Variants in ERBB4 observed in about 807,000 individuals in gnomAD.
The protein encoded by ERBB4 is erb-b2 receptor tyrosine kinase 4.
ERBB4 carries 42 observed loss-of-function variants against 158.0 expected under a neutral mutation model. That is an observed-to-expected ratio of 0.27 (90% confidence interval 0.21 to 0.34). The LOEUF is 0.34. ERBB4 is among the 10% of genes least tolerant of loss of function. ERBB4 has a pLI of 1.00. For synonymous variants in ERBB4, 583 were observed against 558.7 expected (o/e 1.04, Z -0.61); for missense variants, 1,333 against 1,624.1 (o/e 0.82, Z 3.08).
intron 5 of ERBB4, among the ~76,000 whole-genome samples, chr2:211,726,030 C>A (rs1043530393): frequency 6.6e-6 from 1 of 152,144 alleles, no homozygotes; most frequent in African/African-American, 2.4e-5. Flanking sequence ...ATAAGAGACA[C>A]AATTCTGCTT....
rs1381382628 is a variant in ERBB4, at chr2:212,073,527, C to A, written c.234+51225G>T. Among the ~76,000 whole-genome samples, 9 of 152,074 alleles carry A rather than the reference C, an allele frequency of 5.9e-5. No homozygotes were observed. In the East Asian group the frequency reaches 1.6e-3, roughly 26 times the overall value. On this transcript the variant is annotated intron_variant, in intron 2 of 27. Transcript: ENST00000342788. ...AACAAAAGCAGCCCAGGTAGCTAGT[C>A]ACCCTGCAGGGAGTGAGTCAGAGGA...
intron 2 of ERBB4, among the ~76,000 whole-genome samples, chr2:211,988,766 G>T (rs1575479220): frequency 6.6e-6 from 1 of 151,892 alleles, no homozygotes; most frequent in South Asian, 2.1e-4. Flanking sequence ...CTCTTTAAAT[G>T]TAACTATTAA....
At chr2:211,970,509 G>A (rs1348510817) in intron 2 of ERBB4, among the ~76,000 whole-genome samples, 1 of 152,120 alleles carries the variant, frequency 6.6e-6, no homozygotes, top group African/African-American at 2.4e-5. Flanking sequence ...GTGTGGGAAT[G>A]TAAGTCTCTT....
intron 3 of ERBB4, among the ~76,000 whole-genome samples, chr2:211,941,735 G>A (rs200745904): frequency 2.1e-5 from 1 of 47,768 alleles, no homozygotes; most frequent in African/African-American, 8.4e-5. Flanking sequence ...TTTTTTTTTT[G>A]TCTAAACAGG....
At chr2:212,140,605 CA>C (rs767975569) in intron 1 of ERBB4, among the ~76,000 whole-genome samples, 15 of 149,928 alleles carry the variant, frequency 1.0e-4, no homozygotes, top group South Asian at 4.2e-4. Flanking sequence ...GTATGCTAAC[CA>C]AATTACTATC....
intron 3 of ERBB4, among the ~76,000 whole-genome samples, chr2:211,903,107 C>A (rs146823610): frequency 3.9e-4 from 60 of 151,980 alleles, no homozygotes; most frequent in African/African-American, 1.4e-3. Flanking sequence ...TAAAATAAGT[C>A]TCTTTCCCTC....
intron 1 of ERBB4, among the ~76,000 whole-genome samples, chr2:212,133,423 G>T (rs201425105): frequency 0.01 from 1,348 of 131,484 alleles, 26 homozygotes; most frequent in African/African-American, 0.037. Context: ...TTTTGTTTTT[G>T]TTTTTTTTTT....
intron 3 of ERBB4, among the ~76,000 whole-genome samples, chr2:211,915,870 A>T (rs1575370847): frequency 6.6e-6 from 1 of 152,014 alleles, no homozygotes; most frequent in East Asian, 1.9e-4. Flanking sequence ...TATTTTTTTG[A>T]AATCTTCTAA....
chr2:212,003,212 A>AGAAGGAAG (rs201981636), intron 2 of ERBB4, among the ~76,000 whole-genome samples: 1,133 of 40,384 alleles, frequency 0.028, 48 homozygotes, highest in African/African-American at 0.068. Context: ...AAAGACAGAA[A>AGAAGGAAG]GAAGGAAGGA....
At chr2:211,896,018 A>T (rs2079088601) in intron 3 of ERBB4, among the ~76,000 whole-genome samples, 1 of 151,614 alleles carries the variant, frequency 6.6e-6, no homozygotes, top group African/African-American at 2.4e-5. Flanking sequence ...TCTCTTCCCT[A>T]CTGTTGGTAG....
chr2:211,433,560 A>T (rs927705567), intron 20 of ERBB4, among the ~76,000 whole-genome samples: 1 of 151,450 alleles, frequency 6.6e-6, no homozygotes, highest in African/African-American at 2.4e-5. Flanking sequence ...CAGCCTGGGC[A>T]ACAGAGTGAG....
chr2:211,773,059 C>T (rs991827807), intron 4 of ERBB4, among the ~76,000 whole-genome samples: 2 of 148,378 alleles, frequency 1.3e-5, no homozygotes, highest in African/African-American at 2.5e-5. Flanking sequence ...TCTGGGATTA[C>T]AGCATGAGCC....
intron 20 of ERBB4, among the ~76,000 whole-genome samples, chr2:211,533,213 C>A (rs1487771240): frequency 6.6e-6 from 1 of 151,724 alleles, no homozygotes; most frequent in South Asian, 2.1e-4. Context: ...TAGGTGTATA[C>A]CATAATTAGT....
Position 211,851,780 on chromosome 2 carries a change from GA to G in ERBB4, c.422-63622del, listed in dbSNP as rs2077727671. 1.3e-5 allele frequency among the ~76,000 whole-genome samples: 2 copies of G among 151,826 alleles called. 1 individual carries two copies. The highest frequency in any genetic ancestry group is 4.1e-4 in the South Asian group (2 of 4,832). On this transcript the variant is annotated intron_variant, in intron 3 of 27. Transcript: ENST00000342788. ...AAGAGATATATGCATTGAATTCTTA[GA>G]ATACAGAAATTTCAAGACAAATTTC... is the stretch of plus-strand genomic sequence containing the variant.
intron 1 of ERBB4, among the ~76,000 whole-genome samples, chr2:212,282,807 C>T (rs1251685949): frequency 1.3e-5 from 2 of 152,018 alleles, no homozygotes; most frequent in East Asian, 3.9e-4. Flanking sequence ...TTGACAATAT[C>T]ACTGGAAGTA....
At chr2:211,971,846 C>T (rs766881205) in intron 2 of ERBB4, among the ~76,000 whole-genome samples, 7 of 152,034 alleles carry the variant, frequency 4.6e-5, no homozygotes, top group South Asian at 2.1e-4. Flanking sequence ...GAAGCATTCC[C>T]CTTGAAATTG....
chr2:212,209,857 C>G (rs112884231), intron 1 of ERBB4, among the ~76,000 whole-genome samples: 5,686 of 152,130 alleles, frequency 0.037, 151 homozygotes, highest in Non-Finnish European at 0.054. Context: ...TATGTTGTTT[C>G]CCATCCAATA....
chr2:211,937,168 T>C (rs1299174003), intron 3 of ERBB4, among the ~76,000 whole-genome samples: 1 of 152,180 alleles, frequency 6.6e-6, no homozygotes, highest in Non-Finnish European at 1.5e-5. Flanking sequence ...CTTTTTCTCT[T>C]TTTAGAAAGT....
chr2:211,404,676 G>C (rs564732452), intron 25 of ERBB4, among the ~76,000 whole-genome samples: 1 of 151,898 alleles, frequency 6.6e-6, no homozygotes, highest in Non-Finnish European at 1.5e-5. Context: ...AGTCAACTGA[G>C]AGTTGAGTAC....
Sources: allele counts gnomAD v4.1 joint callset (sites outside exome capture counted in the v4.1 genomes callset), GRCh38; gene constraint gnomAD v4.1.1; transcripts MANE v1.5; gene names NCBI Gene and HGNC (gene_info 2026-07-23, HGNC 2026-07-21).